Variants in PSTPIP2 observed in about 807,000 individuals in gnomAD.
The protein encoded by PSTPIP2 is proline-serine-threonine phosphatase interacting protein 2.
A neutral mutation model predicts 63.3 loss-of-function variants in PSTPIP2; 33 were observed. That is an observed-to-expected ratio of 0.52 (90% CI 0.40 to 0.70). The LOEUF is 0.70. PSTPIP2 is among the 30% of genes least tolerant of loss of function. PSTPIP2 has a pLI of 0.00. For synonymous variants in PSTPIP2, 125 were observed against 132.7 expected (o/e 0.94, Z 0.40); for missense variants, 312 against 400.7 (o/e 0.78, Z 1.89).
intron 1 of PSTPIP2, among the ~76,000 whole-genome samples, chr18:46,058,669 A>G (rs1908867164): frequency 6.6e-6 from 1 of 152,104 alleles, no homozygotes; most frequent in South Asian, 2.1e-4. Context: ...CTACATTCCT[A>G]GTTTTTTAAG....
intron 13 of PSTPIP2, chr18:45,989,632 G>A (rs942631221): frequency 6.6e-6 from 1 of 152,276 alleles, no homozygotes; most frequent in African/African-American, 2.4e-5. Context: ...ACTCAGAACT[G>A]TGTCAGCTGT....
At chr18:46,067,983 G>A (rs934454449) in intron 1 of PSTPIP2, among the ~76,000 whole-genome samples, 3 of 151,870 alleles carry the variant, frequency 2.0e-5, no homozygotes, top group African/African-American at 7.3e-5. Context: ...GTGTTAACCT[G>A]TATTCTTTCT....
chr18:46,004,514 G>A (rs2051703957), intron 6 of PSTPIP2, among the ~76,000 whole-genome samples: 1 of 152,028 alleles, frequency 6.6e-6, no homozygotes, highest in East Asian at 1.9e-4. Flanking sequence ...AAACAGAAAG[G>A]GATCACTCAA....
In PSTPIP2 at chr18:46,004,428, G is replaced by C. The variant is rs546684687; in HGVS notation, c.417+1041C>G. On this transcript the variant is annotated intron_variant, in intron 6 of 14. Coordinates refer to ENST00000409746, the MANE Select transcript of PSTPIP2 (RefSeq NM_024430.4). ...GCTAGAGAGAGATTTCTAGCAACTT[G>C]TCCAATCTCTGTCTTGCCAACATTT... Among the ~76,000 whole-genome samples the C allele has an allele frequency of 3.9e-5, 6 of 152,254 alleles. No individual in the cohort carries two copies. In the East Asian group the frequency reaches 1.2e-3, roughly 29 times the overall value.
At chr18:46,002,999 A>G (rs564072686) in intron 6 of PSTPIP2, among the ~76,000 whole-genome samples, 2 of 152,236 alleles carry the variant, frequency 1.3e-5, no homozygotes, top group South Asian at 4.1e-4. Context: ...AAGACTCTGG[A>G]TTTTATTTAA....
At chr18:46,035,951 T>C (rs543389700) in intron 2 of PSTPIP2, among the ~76,000 whole-genome samples, 1 of 152,326 alleles carries the variant, frequency 6.6e-6, no homozygotes, top group East Asian at 1.9e-4. Flanking sequence ...ATTCAGATGT[T>C]GGCTGTGGTT....
At chr18:46,024,042 A>C (rs1418742943) in intron 3 of PSTPIP2, among the ~76,000 whole-genome samples, 3 of 152,024 alleles carry the variant, frequency 2.0e-5, no homozygotes, top group Non-Finnish European at 4.4e-5. Context: ...ATTTTTCACA[A>C]TTGAAAATAA....
intron 3 of PSTPIP2, among the ~76,000 whole-genome samples, chr18:46,022,914 A>G (rs1476897069): frequency 6.6e-6 from 1 of 152,220 alleles, no homozygotes; most frequent in Non-Finnish European, 1.5e-5. Flanking sequence ...GTACATATAC[A>G]CCATGGAACA....
At chr18:46,057,984 T>G (rs1225555256) in intron 1 of PSTPIP2, among the ~76,000 whole-genome samples, 1 of 117,068 alleles carries the variant, frequency 8.5e-6, no homozygotes, top group African/African-American at 3.5e-5. Flanking sequence ...GGTGACAGAG[T>G]GAGACTCCGT....
rs1223933690 is a variant in PSTPIP2, at chr18:46,011,117, A to C, written c.354+64T>G. 6 of 1,369,688 alleles carry C rather than the reference A, an allele frequency of 4.4e-6. No homozygotes were observed. The Admixed American group carries it at 8.5e-5, about 19-fold the overall frequency. The allele number at this position is 1,369,688 out of a possible 1,614,324, so 84.8% of individuals were successfully genotyped here. A position where few individuals can be genotyped will look rare whatever the true frequency, so the allele number is the denominator to read the frequency against. On this transcript the variant is annotated intron_variant, in intron 5 of 14. Transcript: ENST00000409746. Reference sequence around the variant, plus strand: ...GGAGCTGAGCTGAGGAGTATAATGAACAAACAAGCCTGCGGTTTTCTATAG... The same window carrying C: ...GGAGCTGAGCTGAGGAGTATAATGACCAAACAAGCCTGCGGTTTTCTATAG...
intron 2 of PSTPIP2, among the ~76,000 whole-genome samples, chr18:46,038,053 G>A (rs1276333517): frequency 6.6e-6 from 1 of 152,108 alleles, no homozygotes; most frequent in Non-Finnish European, 1.5e-5. Flanking sequence ...CAATTCAGTG[G>A]ATTATGACCA....
intron 2 of PSTPIP2, among the ~76,000 whole-genome samples, chr18:46,031,895 T>A (rs1907798963): frequency 6.6e-6 from 1 of 152,152 alleles, no homozygotes; most frequent in Non-Finnish European, 1.5e-5. Context: ...CATGGTGTGC[T>A]TTTTGGAGAA....
chr18:46,040,064 A>G lies in PSTPIP2; in HGVS notation c.34-17T>C, dbSNP rs1908135557. 2.6e-6 allele frequency: 4 copies of G among 1,568,306 alleles called. No homozygotes were observed. The highest frequency in any genetic ancestry group is 3.5e-6 in the Non-Finnish European group (4 of 1,149,170). ...GTCTGCACTCTGGGGGAAAGACAAC[A>G]TGGCATCAGACCAGGAACAGAAGGC... On this transcript the variant is annotated splice_polypyrimidine_tract_variant and intron_variant, in intron 1 of 14. Transcript: ENST00000409746.
chr18:45,988,567 C>T, intron 14 of PSTPIP2, 135 bp downstream of exon 14: 1 of 700,778 alleles, frequency 1.4e-6, no homozygotes, highest in Non-Finnish European at 2.5e-6. Context: ...GAAGGGACAG[C>T]ATGCTGGCCA....
chr18:46,062,158 G>T (rs1489152464), intron 1 of PSTPIP2, among the ~76,000 whole-genome samples: 1 of 152,126 alleles, frequency 6.6e-6, no homozygotes, highest in African/African-American at 2.4e-5. Flanking sequence ...TGGGGTCTCA[G>T]TCTCCCTACC....
chr18:46,049,263 G>A (rs77478832), intron 1 of PSTPIP2, among the ~76,000 whole-genome samples: 2 of 151,998 alleles, frequency 1.3e-5, no homozygotes, highest in Non-Finnish European at 2.9e-5. Context: ...GAAATGATGA[G>A]AACACATGGA....
intron 2 of PSTPIP2, chr18:46,028,373 G>T: frequency 2.0e-6 from 1 of 496,072 alleles, no homozygotes; most frequent in Non-Finnish European, 4.0e-6. Context: ...TCATCCCAGC[G>T]AAAACCGCCG....
intron 1 of PSTPIP2, among the ~76,000 whole-genome samples, chr18:46,044,043 T>C (rs1482221500): frequency 6.6e-6 from 1 of 152,166 alleles, no homozygotes. Flanking sequence ...GGAGTGAATA[T>C]TGTTAAAATA....
At chr18:46,008,694 G>A (rs540958697) in intron 5 of PSTPIP2, among the ~76,000 whole-genome samples, 6 of 152,250 alleles carry the variant, frequency 3.9e-5, no homozygotes, top group Admixed American at 2.0e-4. Context: ...CAGGCAGCAC[G>A]AAACTCTCCC....
Sources: gnomAD v4.1 joint callset for allele counts (sites outside exome capture counted in the v4.1 genomes callset) on GRCh38, gnomAD v4.1.1 for gene constraint, MANE v1.5 for transcripts, NCBI Gene and HGNC (gene_info 2026-07-23, HGNC 2026-07-21) for gene names.